The following ATP8A2 variants were observed in gnomAD, a reference collection of about 807,000 sequenced individuals.
The protein encoded by ATP8A2 is ATPase phospholipid transporting 8A2.
In ATP8A2, 100 loss-of-function variants were observed where a neutral mutation model predicts 165.6. The observed-to-expected ratio is 0.60, with a 90% CI of 0.51 to 0.71. The LOEUF is 0.71. Among genes scored for constraint, ATP8A2 ranks in the 30% least tolerant of loss-of-function variants. ATP8A2 has a pLI of 0.00. For synonymous variants in ATP8A2, 543 were observed against 548.8 expected (o/e 0.99, Z 0.15); for missense variants, 1,227 against 1,479.5 (o/e 0.83, Z 2.80).
In ATP8A2 at chr13:26,021,174, A is replaced by G. The variant is rs1197278595; in HGVS notation, c.*1189A>G. The G allele has an allele frequency of 6.6e-6, 1 of 152,308 alleles. No individual in the cohort carries two copies. Among genetic ancestry groups the G allele is most frequent in the Non-Finnish European group, 1.5e-5 (1 of 68,092 alleles). 9.4% of individuals were successfully genotyped at this position (152,308 alleles called of 1,614,324 possible). A position where few individuals can be genotyped will look rare whatever the true frequency, so the allele number is the denominator to read the frequency against. On this transcript the variant is annotated 3_prime_UTR_variant, in exon 37 of 37. Transcript: ENST00000381655. ...AGAGTATAGGACATTGAGTGGGGAG[A>G]ACAAGACGACCACAGAAGTCCTCAG...
intron 33 of ATP8A2, among the ~76,000 whole-genome samples, chr13:25,921,514 T>C (rs1448483299): frequency 1.3e-5 from 2 of 150,814 alleles, no homozygotes; most frequent in Non-Finnish European, 3.0e-5. Flanking sequence ...TCCTAGATAC[T>C]TGGGAGGCTG....
Position 25,624,342 on chromosome 13 carries a change from G to C in ATP8A2, c.2211+34643G>C, listed in dbSNP as rs9553633. 6.6e-4 allele frequency among the ~76,000 whole-genome samples: 101 copies of C among 152,252 alleles called. 4 individuals carry two copies. The East Asian group carries it at 0.015, about 22-fold the overall frequency. ...GGACTTGTGGTTTATAAATACAGAA[G>C]AGGAAAAGGAGACAAATGAAATTAC... is the stretch of plus-strand genomic sequence containing the variant. On this transcript the variant is annotated intron_variant, in intron 24 of 36. Transcript: ENST00000381655.
At chr13:25,651,554 G>T (rs974161100) in intron 24 of ATP8A2, among the ~76,000 whole-genome samples, 1 of 146,456 alleles carries the variant, frequency 6.8e-6, no homozygotes, top group Admixed American at 6.8e-5. Context: ...GCCTAAAGTT[G>T]TTCACACCTA....
At chr13:25,826,357 T>C (rs994347718) in intron 27 of ATP8A2, among the ~76,000 whole-genome samples, 1 of 152,232 alleles carries the variant, frequency 6.6e-6, no homozygotes, top group African/African-American at 2.4e-5. Context: ...TTGAACAGGG[T>C]AATGACAAGG....
Position 25,531,236 on chromosome 13 carries a change from ATATATATGT to A in ATP8A2, c.420+585_420+593del, listed in dbSNP as rs1159364645. 9.0e-4 allele frequency among the ~76,000 whole-genome samples: 90 copies of A among 100,048 alleles called. 3 individuals carry two copies. The highest frequency in any genetic ancestry group is 2.2e-3 in the African/African-American group (51 of 23,230). The allele number at this position is 100,048 out of a possible 152,430, so 65.6% of individuals were successfully genotyped here. On this transcript the variant is annotated intron_variant, in intron 4 of 36. Transcript: ENST00000381655. The stretch of plus-strand genomic sequence containing the variant: ...TTATATATGATATATGTTATATATG[ATATATATGT>A]TATATATGATATATATGATATATAT...
At chr13:25,632,010 A>G (rs2041252473) in intron 24 of ATP8A2, among the ~76,000 whole-genome samples, 1 of 152,146 alleles carries the variant, frequency 6.6e-6, no homozygotes, top group Non-Finnish European at 1.5e-5. Flanking sequence ...TCCAATCGCA[A>G]GCCCCACCCC....
At chr13:25,511,427 T>A (rs1015941211) in intron 2 of ATP8A2, among the ~76,000 whole-genome samples, 1 of 152,220 alleles carries the variant, frequency 6.6e-6, no homozygotes, top group Non-Finnish European at 1.5e-5. Flanking sequence ...CCCAGAACTT[T>A]CTCACTGCTT....
At chr13:25,767,682 A>G (rs528651772) in intron 25 of ATP8A2, among the ~76,000 whole-genome samples, 10 of 152,358 alleles carry the variant, frequency 6.6e-5, no homozygotes, top group African/African-American at 2.4e-4. Context: ...AATTGCTGCC[A>G]TTGCAAACCC....
chr13:25,876,555 A>G (rs1952824558), intron 33 of ATP8A2, among the ~76,000 whole-genome samples: 1 of 152,208 alleles, frequency 6.6e-6, no homozygotes, highest in African/African-American at 2.4e-5. Flanking sequence ...AGGCCTGTTG[A>G]GAAACTTTAC....
At chr13:25,530,538 TA>T (rs1179375566) in intron 3 of ATP8A2, 23 bp from the exon 4 acceptor site, 1 of 1,402,820 alleles carries the variant, frequency 7.1e-7, no homozygotes, top group African/African-American at 1.4e-5. Flanking sequence ...GCCAACTTCC[TA>T]CTTGTGGTCT....
intron 18 of ATP8A2, among the ~76,000 whole-genome samples, chr13:25,573,990 A>G: frequency 6.6e-6 from 1 of 152,206 alleles, no homozygotes. Context: ...TGCTTTTGCC[A>G]TGCATAAGAA....
chr13:25,552,783 G>A (rs2038863230), intron 11 of ATP8A2, among the ~76,000 whole-genome samples: 1 of 152,080 alleles, frequency 6.6e-6, no homozygotes, highest in Admixed American at 6.5e-5. Context: ...TGGAAGGGTT[G>A]GTAGTGAGTA....
intron 2 of ATP8A2, among the ~76,000 whole-genome samples, chr13:25,478,131 T>C (rs1341268641): frequency 2.0e-5 from 3 of 152,114 alleles, no homozygotes; most frequent in African/African-American, 4.8e-5. Flanking sequence ...TATCTTCATA[T>C]GTTTGTTGTG....
chr13:25,377,617 T>C (rs1480606891), intron 1 of ATP8A2, among the ~76,000 whole-genome samples: 2 of 152,032 alleles, frequency 1.3e-5, no homozygotes, highest in Admixed American at 1.3e-4. Context: ...CTGGCCAACA[T>C]AGTGAAACCC....
intron 13 of ATP8A2, among the ~76,000 whole-genome samples, chr13:25,557,054 C>T (rs975702022): frequency 6.6e-6 from 1 of 152,040 alleles, no homozygotes; most frequent in Admixed American, 6.6e-5. Flanking sequence ...AGTTTATTGC[C>T]AGAAAACTGA....
At chr13:25,686,581 A>G (rs2042606153) in intron 24 of ATP8A2, among the ~76,000 whole-genome samples, 1 of 152,192 alleles carries the variant, frequency 6.6e-6, no homozygotes, top group South Asian at 2.1e-4. Context: ...ATGTTTCAAG[A>G]GAAGCTAGAT....
At chr13:25,990,740 A>G (rs1206036065) in intron 35 of ATP8A2, among the ~76,000 whole-genome samples, 1 of 152,250 alleles carries the variant, frequency 6.6e-6, no homozygotes, top group Non-Finnish European at 1.5e-5. Flanking sequence ...TGATTAACTT[A>G]GAGCTTCACT....
rs1012652924 is a variant in ATP8A2, at chr13:25,573,909, G to T, written c.1663-899G>T. 1.8e-4 allele frequency among the ~76,000 whole-genome samples: 28 copies of T among 152,194 alleles called. 1 individual carries two copies. The highest frequency in any genetic ancestry group is 6.3e-4 in the African/African-American group (26 of 41,436). ...AGTTGTGGGTGTGAATGAAGATAAT[G>T]ATTCCGTCATATACTTGGTAATTTG... On this transcript the variant is annotated intron_variant, in intron 18 of 36. Coordinates refer to ENST00000381655, the MANE Select transcript of ATP8A2 (RefSeq NM_016529.6).
Position 25,559,039 on chromosome 13 carries a change from A to G in ATP8A2, c.1330A>G (p.Ser444Gly). Reference protein sequence around the residue: ...TCNIMNFKKCSIAGVTYGHFP... With the variant: ...TCNIMNFKKCGIAGVTYGHFP... Reference sequence around the variant, plus strand: ...CAATATCATGAACTTTAAGAAGTGCAGCATTGCCGGAGTAACCTATGGGTC... The same window carrying G: ...CAATATCATGAACTTTAAGAAGTGCGGCATTGCCGGAGTAACCTATGGGTC... Residue 444 changes from serine (S) to glycine (G), a missense_variant, in exon 14 of 37, where the codon AGC (serine) becomes GGC (glycine). Ser to Gly is a moderately conservative substitution (Grantham distance 56, BLOSUM62 0). This residue lies in a region of ATP8A2 where 592 missense variants were observed against 785.6 expected (regional missense o/e 0.75). Coordinates refer to ENST00000381655, the MANE Select transcript of ATP8A2 (RefSeq NM_016529.6). The G allele has an allele frequency of 6.2e-7, 1 of 1,611,790 alleles. No homozygotes were observed. Among genetic ancestry groups the G allele is most frequent in the African/African-American group, 1.3e-5 (1 of 74,986 alleles).
Sources: allele counts gnomAD v4.1 joint callset (sites outside exome capture counted in the v4.1 genomes callset), GRCh38; gene constraint gnomAD v4.1.1; regional missense constraint gnomAD v4.1.1; transcripts MANE v1.5; gene names NCBI Gene and HGNC (gene_info 2026-07-23, HGNC 2026-07-21).